COL8A1: variants seen among roughly 807,000 people sequenced by gnomAD.
The protein encoded by COL8A1 is collagen type VIII alpha 1 chain, also known as collagen alpha-1(VIII) chain.
COL8A1 carries 21 observed loss-of-function variants against 42.7 expected under a neutral mutation model. The ratio of observed to expected loss-of-function variants is 0.49; its 90% CI spans 0.35 to 0.71. The LOEUF (loss-of-function observed/expected upper bound fraction) is 0.71. Ranked by LOEUF, COL8A1 falls within the 30% of genes least tolerant of loss-of-function variation. COL8A1 has a pLI of 0.01. For synonymous variants in COL8A1, 367 were observed against 369.1 expected, an observed-to-expected ratio of 0.99 and a Z score of 0.06; for missense variants, 788 against 962.4, an observed-to-expected ratio of 0.82 and a Z score of 2.40.
intron 1 of COL8A1, among the ~76,000 whole-genome samples, chr3:99,663,583 G>A (rs1223286937): frequency 1.3e-5 from 2 of 152,054 alleles, no homozygotes; most frequent in Non-Finnish European, 2.9e-5. Context: ...GCAAGCTGAT[G>A]TCTAACTCTT....
At chr3:99,719,012 A>C (rs763944602) in intron 1 of COL8A1, among the ~76,000 whole-genome samples, 22 of 152,116 alleles carry the variant, frequency 1.4e-4, no homozygotes, top group Non-Finnish European at 2.5e-4. Context: ...CTGGGTTTGC[A>C]TTCTGATTCT....
intron 2 of COL8A1, among the ~76,000 whole-genome samples, chr3:99,750,418 T>G (rs542530560): frequency 1.3e-4 from 20 of 152,286 alleles, no homozygotes; most frequent in Non-Finnish European, 2.8e-4. Flanking sequence ...AATAGCCAAC[T>G]CTGGGTGGCA....
chr3:99,708,198 A>C (rs1174624285), intron 1 of COL8A1, among the ~76,000 whole-genome samples: 1 of 152,150 alleles, frequency 6.6e-6, no homozygotes, highest in African/African-American at 2.4e-5. Flanking sequence ...CTACCCCTAC[A>C]TCATCCTCAA....
chr3:99,762,914 A>G (rs1200685885), intron 2 of COL8A1, among the ~76,000 whole-genome samples: 1 of 152,150 alleles, frequency 6.6e-6, no homozygotes, highest in East Asian at 1.9e-4. Flanking sequence ...CCTGGGTAGT[A>G]CTTGGAGTTA....
chr3:99,656,931 T>C (rs947039149), intron 1 of COL8A1, among the ~76,000 whole-genome samples: 1 of 152,236 alleles, frequency 6.6e-6, no homozygotes, highest in African/African-American at 2.4e-5. Flanking sequence ...AGCCCTTTTG[T>C]GTTGTCAGAA....
At chr3:99,684,953 C>T (rs998418943) in intron 1 of COL8A1, among the ~76,000 whole-genome samples, 1 of 152,128 alleles carries the variant, frequency 6.6e-6, no homozygotes, top group African/African-American at 2.4e-5. Context: ...TGCTTTTCTA[C>T]CCACTTCCTC....
In COL8A1 at chr3:99,794,499, G is replaced by C; in HGVS notation, c.598G>C (p.Gly200Arg). The C allele has an allele frequency of 1.2e-6, 2 of 1,614,094 alleles. No homozygotes were observed. The highest frequency in any genetic ancestry group is 1.7e-6 in the Non-Finnish European group (2 of 1,179,978). Residue 200 changes from glycine (G) to arginine (R), a missense_variant, in exon 4 of 4, where the codon GGG (glycine) becomes CGG (arginine). Physicochemically the swap from Gly to Arg is moderately radical, Grantham distance 125. This residue lies in a region of COL8A1 where 421 missense variants were observed against 553.1 expected (regional missense o/e 0.76). Transcript: ENST00000652472. This position sits in a 1 kb window ranked among gnomAD's most constrained non-coding sequence, Gnocchi z 4.3. ...MGIPGPQGPP[G>R]PHGLPGIGKP... Reference sequence around the variant, plus strand: ...GATCCCAGGACCACAAGGACCTCCAGGGCCTCATGGACTTCCTGGCATTGG... The same window carrying C: ...GATCCCAGGACCACAAGGACCTCCACGGCCTCATGGACTTCCTGGCATTGG...
intron 2 of COL8A1, among the ~76,000 whole-genome samples, chr3:99,776,489 G>A (rs1941695113): frequency 1.3e-5 from 2 of 152,102 alleles, no homozygotes; most frequent in Admixed American, 1.3e-4. Context: ...TGAGCTCAGG[G>A]GAATGGGTCA....
intron 1 of COL8A1, among the ~76,000 whole-genome samples, chr3:99,724,116 A>G (rs947818164): frequency 1.3e-5 from 2 of 152,136 alleles, no homozygotes; most frequent in African/African-American, 4.8e-5. Context: ...CGTCCTTGAC[A>G]ATAATGGTTT....
At position 99,670,485 on chromosome 3, in the gene COL8A1, G is replaced by A. The variant is rs1448499774; in HGVS notation, c.-129+31821G>A. Among the ~76,000 whole-genome samples, 5 of 152,064 alleles carry A rather than the reference G, an allele frequency of 3.3e-5. No individual in the cohort carries two copies. The South Asian group carries it at 8.3e-4, about 25-fold the overall frequency. ...ACCCTTTTTCTTATTATTAATATTA[G>A]TTTTGATTGATAAATCATAATTATA... On this transcript the variant is annotated intron_variant, in intron 1 of 3. Coordinates refer to ENST00000652472, the MANE Select transcript of COL8A1 (RefSeq NM_020351.4).
At chr3:99,658,134 A>AC (rs1168674590) in intron 1 of COL8A1, among the ~76,000 whole-genome samples, 1 of 151,340 alleles carries the variant, frequency 6.6e-6, no homozygotes, top group African/African-American at 2.4e-5. Context: ...AAAAACAAAA[A>AC]AAAAAAAACA....
At chr3:99,659,837 C>G (rs912855086) in intron 1 of COL8A1, among the ~76,000 whole-genome samples, 1 of 152,098 alleles carries the variant, frequency 6.6e-6, no homozygotes, top group Non-Finnish European at 1.5e-5. Context: ...ACCTTCCTCC[C>G]GAGACTCTGT....
intron 1 of COL8A1, among the ~76,000 whole-genome samples, chr3:99,695,963 G>A (rs556247393): frequency 1.3e-5 from 2 of 152,260 alleles, no homozygotes; most frequent in South Asian, 4.1e-4. Flanking sequence ...GTGAAACCCT[G>A]TCTCTACTAC....
intron 2 of COL8A1, among the ~76,000 whole-genome samples, chr3:99,775,027 T>C (rs1159974089): frequency 6.6e-6 from 1 of 152,206 alleles, no homozygotes; most frequent in African/African-American, 2.4e-5. Context: ...TCCCTTGTTA[T>C]GTTGGCACAT....
intron 1 of COL8A1, among the ~76,000 whole-genome samples, chr3:99,682,169 C>A (rs377646013): frequency 1.3e-5 from 2 of 152,274 alleles, no homozygotes; most frequent in South Asian, 4.2e-4. Flanking sequence ...AATCCCAGCA[C>A]TTTCGGAGGC....
At chr3:99,776,860 CG>C (rs1173348713) in intron 2 of COL8A1, among the ~76,000 whole-genome samples, 6 of 152,136 alleles carry the variant, frequency 3.9e-5, no homozygotes, top group African/African-American at 1.4e-4. Context: ...CTTTTTAGAC[CG>C]TATAGTGTAA....
At chr3:99,687,460 A>G (rs1481082704) in intron 1 of COL8A1, among the ~76,000 whole-genome samples, 1 of 152,210 alleles carries the variant, frequency 6.6e-6, no homozygotes, top group Non-Finnish European at 1.5e-5. Flanking sequence ...CACATGTCAC[A>G]AATGGAGAGG....
intron 2 of COL8A1, among the ~76,000 whole-genome samples, chr3:99,768,136 A>C (rs1002816626): frequency 3.3e-5 from 5 of 152,228 alleles, no homozygotes; most frequent in Non-Finnish European, 5.9e-5. Context: ...TTTTCTCAGA[A>C]AGGTCCTACA....
At chr3:99,785,151 C>T (rs1370731135) in intron 2 of COL8A1, among the ~76,000 whole-genome samples, 1 of 152,092 alleles carries the variant, frequency 6.6e-6, no homozygotes, top group African/African-American at 2.4e-5. Context: ...TAAAAAGCAA[C>T]AAAATTGTAC....
Sources: allele counts gnomAD v4.1 joint callset (sites outside exome capture counted in the v4.1 genomes callset), GRCh38; gene constraint gnomAD v4.1.1; regional missense constraint gnomAD v4.1.1; non-coding constraint Gnocchi (gnomAD v3.1); transcripts MANE v1.5; gene names NCBI Gene and HGNC (gene_info 2026-07-23, HGNC 2026-07-21).